GPR39: variants seen among roughly 807,000 people sequenced by gnomAD.
GPR39 encodes zinc sensing receptor.
A neutral mutation model predicts 18.4 loss-of-function variants in GPR39; 23 were observed. The ratio of observed to expected loss-of-function variants is 1.25; its 90% CI spans 0.90 to 1.77. The LOEUF (loss-of-function observed/expected upper bound fraction) is 1.77, where lower values mean the gene tolerates loss of function less well. Ranked by LOEUF, GPR39 falls within the 40% of genes most tolerant of loss-of-function variation. The pLI is 0.00. For synonymous variants in GPR39, 280 were observed against 257.9 expected (o/e 1.09, Z -0.82); for missense variants, 647 against 602.4 (o/e 1.07, Z -0.78).
intron 1 of GPR39, among the ~76,000 whole-genome samples, chr2:132,519,378 T>G (rs1288981299): frequency 1.3e-5 from 2 of 152,250 alleles, no homozygotes; most frequent in African/African-American, 4.8e-5. Context: ...AAATAGGGCA[T>G]GAAGCATATT....
chr2:132,553,440 A>G (rs961540165), intron 1 of GPR39, among the ~76,000 whole-genome samples: 1 of 151,670 alleles, frequency 6.6e-6, no homozygotes, highest in Non-Finnish European at 1.5e-5. Flanking sequence ...ACATATATAT[A>G]TATACCATTA....
chr2:132,563,026 G>A (rs554618238), intron 1 of GPR39, among the ~76,000 whole-genome samples: 1 of 152,216 alleles, frequency 6.6e-6, no homozygotes, highest in African/African-American at 2.4e-5. Flanking sequence ...CCACAGGGAA[G>A]GTGGTCCTGT....
chr2:132,449,974 G>A (rs1680604865), intron 1 of GPR39, among the ~76,000 whole-genome samples: 1 of 152,164 alleles, frequency 6.6e-6, no homozygotes, highest in Admixed American at 6.5e-5. Context: ...GCTGGGCTGA[G>A]TCAGACAGCT....
chr2:132,644,696 T>G (rs1212958116), intron 1 of GPR39, among the ~76,000 whole-genome samples: 1 of 152,230 alleles, frequency 6.6e-6, no homozygotes, highest in East Asian at 1.9e-4. Flanking sequence ...AAACACTGCT[T>G]TATCTAATGC....
chr2:132,536,021 A>AC (rs71001198), intron 1 of GPR39, among the ~76,000 whole-genome samples: 2,144 of 146,070 alleles, frequency 0.015, 49 homozygotes, highest in African/African-American at 0.05. Flanking sequence ...AAAAAAAAAA[A>AC]CAGCTCCTGG....
chr2:132,419,349 A>G (rs1430608977), intron 1 of GPR39, among the ~76,000 whole-genome samples: 1 of 152,238 alleles, frequency 6.6e-6, no homozygotes, highest in Non-Finnish European at 1.5e-5. Context: ...GAATCACCTC[A>G]GTGCAGCTCA....
chr2:132,548,840 T>C (rs774082637), intron 1 of GPR39, among the ~76,000 whole-genome samples: 4 of 152,230 alleles, frequency 2.6e-5, no homozygotes, highest in Non-Finnish European at 4.4e-5. Flanking sequence ...TTATGCAGTC[T>C]AAATTCTATG....
At chr2:132,502,089 G>A (rs544874053) in intron 1 of GPR39, among the ~76,000 whole-genome samples, 4 of 152,236 alleles carry the variant, frequency 2.6e-5, no homozygotes, top group African/African-American at 7.2e-5. Flanking sequence ...TGTTAATATT[G>A]AGATGTGAGG....
chr2:132,539,758 C>G (rs1679830993), intron 1 of GPR39, among the ~76,000 whole-genome samples: 1 of 152,114 alleles, frequency 6.6e-6, no homozygotes, highest in Non-Finnish European at 1.5e-5. Flanking sequence ...AGAGCAGTCA[C>G]AAGGCTTTCC....
At chr2:132,492,538 CACCAT>C in intron 1 of GPR39, among the ~76,000 whole-genome samples, 1 of 140,262 alleles carries the variant, frequency 7.1e-6, no homozygotes, top group East Asian at 2.2e-4. Context: ...CATATATATA[CACCAT>C]ATATATACAC....
chr2:132,602,172 C>A (rs1261059877), intron 1 of GPR39, among the ~76,000 whole-genome samples: 3 of 152,042 alleles, frequency 2.0e-5, no homozygotes, highest in African/African-American at 7.2e-5. Flanking sequence ...ACCAACACAG[C>A]ATAATGGTAT....
chr2:132,526,035 C>A (rs916375983), intron 1 of GPR39, among the ~76,000 whole-genome samples: 1 of 152,170 alleles, frequency 6.6e-6, no homozygotes, highest in Non-Finnish European at 1.5e-5. Context: ...TGATCCCAGA[C>A]CCCAAAAGTT....
chr2:132,519,333 G>C (rs1290349852), intron 1 of GPR39, among the ~76,000 whole-genome samples: 1 of 152,074 alleles, frequency 6.6e-6, no homozygotes, highest in Non-Finnish European at 1.5e-5. Flanking sequence ...TTTTTCTGAA[G>C]CCTGACTTCC....
At chr2:132,495,996 C>CT (rs915022487) in intron 1 of GPR39, among the ~76,000 whole-genome samples, 45 of 152,280 alleles carry the variant, frequency 3.0e-4, no homozygotes, top group African/African-American at 1.0e-3. Context: ...AGCAAACCCT[C>CT]TTTTTTCAAG....
intron 1 of GPR39, among the ~76,000 whole-genome samples, chr2:132,584,699 T>G (rs137957817): frequency 6.6e-6 from 1 of 152,116 alleles, no homozygotes; most frequent in African/African-American, 2.4e-5. Context: ...TAGAGGCTTC[T>G]AAGAAAAAAA....
chr2:132,421,431 A>G (rs1680006235), intron 1 of GPR39, among the ~76,000 whole-genome samples: 4 of 146,060 alleles, frequency 2.7e-5, no homozygotes, highest in Admixed American at 2.1e-4. Flanking sequence ...GCTTTCAACT[A>G]TAGTTATGAA....
chr2:132,491,124 C>T, intron 1 of GPR39, among the ~76,000 whole-genome samples: 1 of 152,096 alleles, frequency 6.6e-6, no homozygotes, highest in East Asian at 1.9e-4. Context: ...ACAGCAACAG[C>T]TAGTAAGCCA....
At chr2:132,457,021 G>A (rs1034768172) in intron 1 of GPR39, among the ~76,000 whole-genome samples, 1 of 152,134 alleles carries the variant, frequency 6.6e-6, no homozygotes, top group Non-Finnish European at 1.5e-5. Context: ...TTGGAATGCT[G>A]GCCTGCCTTG....
chr2:132,561,577 TACACACACACACACAC>T (rs55653432), intron 1 of GPR39, among the ~76,000 whole-genome samples: 10 of 147,986 alleles, frequency 6.8e-5, no homozygotes, highest in East Asian at 2.0e-4. Context: ...AATATGAGTG[TACACACACACACACAC>T]ACACACACAC....
Sources: gnomAD v4.1 joint callset for allele counts (sites outside exome capture counted in the v4.1 genomes callset) on GRCh38, gnomAD v4.1.1 for gene constraint, MANE v1.5 for transcripts, NCBI Gene and HGNC (gene_info 2026-07-23, HGNC 2026-07-21) for gene names.